The following EFCAB9 variants were observed in gnomAD, a reference collection of about 807,000 sequenced individuals.
The protein encoded by EFCAB9 is EF-hand calcium binding domain 9, also known as EF-hand calcium-binding domain-containing protein 9.
Under a neutral mutation model 15.6 loss-of-function variants are expected in EFCAB9, and 16 were observed. The observed-to-expected ratio is 1.03, with a 90% CI of 0.69 to 1.56. The LOEUF is 1.56. Ranked by LOEUF, EFCAB9 falls within the 40% of genes most tolerant of loss-of-function variation. The pLI is 0.00. For missense variants in EFCAB9, 208 were observed against 235.4 expected (o/e 0.88, Z 0.76); for synonymous variants, 76 against 85.4 (o/e 0.89, Z 0.61).
Position 172,203,376 on chromosome 5 carries a change from G to A in EFCAB9, c.*31G>A. 2.0e-6 allele frequency: 3 copies of A among 1,519,302 alleles called. No homozygotes were observed. The highest frequency in any genetic ancestry group is 2.6e-6 in the Non-Finnish European group (3 of 1,141,624). 94.1% of individuals were successfully genotyped at this position (1,519,302 alleles called of 1,614,324 possible). On this transcript the variant is annotated 3_prime_UTR_variant, in exon 4 of 4. Coordinates refer to ENST00000398186, the MANE Select transcript of EFCAB9 (RefSeq NM_001171183.2). ...AGCTGAAAGAGTCTTGGAAAAAAAT[G>A]GGATCTGAAAGTACAGAACATGAAC...
intron 1 of EFCAB9, 42 bp from the exon 2 acceptor site, chr5:172,199,341 T>G: frequency 6.5e-7 from 1 of 1,532,032 alleles, no homozygotes; most frequent in Non-Finnish European, 8.7e-7. Flanking sequence ...ATTTTGGAAC[T>G]ATATCCAAAT....
chr5:172,194,863 C>T (rs1458212138), intron 1 of EFCAB9, among the ~76,000 whole-genome samples: 1 of 151,982 alleles, frequency 6.6e-6, no homozygotes, highest in Non-Finnish European at 1.5e-5. Flanking sequence ...TCATCGCCCT[C>T]TCTAAGTCTC....
Position 172,199,395 on chromosome 5 carries a change from A to C in EFCAB9, c.149A>C (p.Tyr50Ser), listed in dbSNP as rs1402982786. 1.3e-6 allele frequency: 2 copies of C among 1,537,248 alleles called. No individual in the cohort carries two copies. Among genetic ancestry groups the C allele is most frequent in the Admixed American group, 3.9e-5 (2 of 50,994 alleles). Residue 50 changes from tyrosine (Y) to serine (S), a missense_variant, in exon 2 of 4, where the codon TAT (tyrosine) becomes TCT (serine). Tyr to Ser is a moderately radical substitution (Grantham distance 144). Transcript: ENST00000398186. ...GKNTLNDVLFYHFLHHVTDLK... is the reference protein window; with the variant it reads ...GKNTLNDVLFSHFLHHVTDLK... ...CCCACCTTAACAGATGTGCTGTTCT[A>C]TCACTTCCTTCATCATGTGACTGAC...
intron 2 of EFCAB9, among the ~76,000 whole-genome samples, chr5:172,200,063 T>G (rs925000638): frequency 2.0e-5 from 3 of 150,046 alleles, no homozygotes; most frequent in African/African-American, 4.9e-5. Context: ...GGACTACAGG[T>G]GCACACCCCC....
In EFCAB9 at chr5:172,194,228, G is replaced by A; in HGVS notation, c.56G>A (p.Cys19Tyr). ...LWYLYLDKIYCLLSVRNVKAL... is the reference protein window; with the variant it reads ...LWYLYLDKIYYLLSVRNVKAL... ...TACCTCTATCTGGACAAAATATACT[G>A]CTTATTATCCGTGAGAAACGTGAAG... Residue 19 changes from cysteine (C) to tyrosine (Y), a missense_variant, in exon 1 of 4, where the codon TGC becomes TAC. Coordinates refer to ENST00000398186, the MANE Select transcript of EFCAB9 (RefSeq NM_001171183.2). The A allele has an allele frequency of 1.3e-6, 2 of 1,537,654 alleles. No homozygotes were observed. Among genetic ancestry groups the A allele is most frequent in the Middle Eastern group, 1.7e-4 (1 of 5,994 alleles).
chr5:172,197,003 A>G (rs1771175333), intron 1 of EFCAB9, among the ~76,000 whole-genome samples: 1 of 152,192 alleles, frequency 6.6e-6, no homozygotes, highest in Non-Finnish European at 1.5e-5. Flanking sequence ...TTAAATATGC[A>G]TTAACTAATG....
Position 172,203,277 on chromosome 5 carries a change from C to A in EFCAB9, c.526C>A (p.Gln176Lys). The part of the protein sequence containing the change: ...IIYTDKLQKR[Q>K]KTEEKEKGER... ...CTACACTGACAAATTACAGAAGAGG[C>A]AGAAAACAGAGGAGAAAGAAAAAGG... Residue 176 changes from glutamine (Q) to lysine (K), a missense_variant, in exon 4 of 4, where the codon CAG (glutamine) becomes AAG (lysine). Physicochemically the swap from Gln to Lys is moderately conservative, Grantham distance 53. Transcript: ENST00000398186. 1 of 1,535,946 alleles carries A rather than the reference C, an allele frequency of 6.5e-7. No individual in the cohort carries two copies. The highest frequency in any genetic ancestry group is 1.4e-5 in the African/African-American group (1 of 72,760).
At chr5:172,194,793 GCA>G (rs1771130493) in intron 1 of EFCAB9, among the ~76,000 whole-genome samples, 1 of 152,144 alleles carries the variant, frequency 6.6e-6, no homozygotes, top group Admixed American at 6.6e-5. Flanking sequence ...GGAGAAAATT[GCA>G]GACTCTGGTG....
At chr5:172,197,481 T>C (rs529498156) in intron 1 of EFCAB9, among the ~76,000 whole-genome samples, 1 of 152,302 alleles carries the variant, frequency 6.6e-6, no homozygotes, top group Admixed American at 6.5e-5. Context: ...CTTGGAGAAA[T>C]GGGCAGTCTC....
At chr5:172,202,156 C>T (rs571264128) in intron 3 of EFCAB9, among the ~76,000 whole-genome samples, 14 of 151,498 alleles carry the variant, frequency 9.2e-5, no homozygotes, top group African/African-American at 1.9e-4. Flanking sequence ...TTGGCTAACA[C>T]GGTGAAACCC....
At position 172,203,203 on chromosome 5, in the gene EFCAB9, C is replaced by G. The variant is rs772989663; in HGVS notation, c.463-11C>G. 4.4e-6 allele frequency: 2 copies of G among 454,808 alleles called. No homozygotes were observed. Among genetic ancestry groups the G allele is most frequent in the African/African-American group, 8.0e-5 (1 of 12,486 alleles). The allele number at this position is 454,808 out of a possible 1,614,324, so 28.2% of individuals were successfully genotyped here. On this transcript the variant is annotated splice_polypyrimidine_tract_variant and intron_variant, in intron 3 of 3. Coordinates refer to ENST00000398186, the MANE Select transcript of EFCAB9 (RefSeq NM_001171183.2). ...GAAATAATTTTTCTTTCCCCCCCACCCTAACCAAAGCGTCTTAATTATCAG... is the reference window on the plus strand; with the variant it reads ...GAAATAATTTTTCTTTCCCCCCCACGCTAACCAAAGCGTCTTAATTATCAG...
chr5:172,203,123 T>A (rs924762857), intron 3 of EFCAB9, 91 bp from the exon 4 acceptor site: 13 of 1,267,426 alleles, frequency 1.0e-5, no homozygotes, highest in African/African-American at 9.2e-5. Context: ...TCCAAGTTTT[T>A]AAAATAGAAA....
intron 1 of EFCAB9, among the ~76,000 whole-genome samples, chr5:172,198,759 G>A (rs866014759): frequency 3.9e-5 from 6 of 152,216 alleles, no homozygotes; most frequent in Middle Eastern, 6.8e-3. Context: ...GGGACTACAG[G>A]TGTGTGCCAC....
At chr5:172,199,230 A>G (rs1480659770) in intron 1 of EFCAB9, among the ~76,000 whole-genome samples, 153 bp from the exon 2 acceptor site, 2 of 152,198 alleles carry the variant, frequency 1.3e-5, no homozygotes, top group African/African-American at 4.8e-5. Flanking sequence ...GAACTATAGA[A>G]AGTACAGTGG....
intron 2 of EFCAB9, among the ~76,000 whole-genome samples, chr5:172,200,360 A>C (rs1048196013): frequency 1.3e-5 from 2 of 152,256 alleles, no homozygotes; most frequent in Admixed American, 1.3e-4. Context: ...TACAAGAGGC[A>C]GAATTCAAGT....
At chr5:172,202,332 C>CAAAA (rs10690291) in intron 3 of EFCAB9, among the ~76,000 whole-genome samples, 8,495 of 72,188 alleles carry the variant, frequency 0.12, 881 homozygotes, top group Non-Finnish European at 0.13. Context: ...GACTTCATCT[C>CAAAA]AAAAAAAAAA....
intron 1 of EFCAB9, among the ~76,000 whole-genome samples, chr5:172,195,383 T>G (rs1771143735): frequency 1.3e-5 from 2 of 152,156 alleles, no homozygotes; most frequent in African/African-American, 2.4e-5. Context: ...CGTCATGATT[T>G]TAAGGAGTTC....
Position 172,203,069 on chromosome 5 carries a change from A to G in EFCAB9, c.463-145A>G, listed in dbSNP as rs544162387. 119 of 776,650 alleles carry G rather than the reference A, an allele frequency of 1.5e-4. No homozygotes were observed. In the African/African-American group the frequency reaches 2.0e-3, roughly 13 times the overall value. The allele number at this position is 776,650 out of a possible 1,614,324, so 48.1% of individuals were successfully genotyped here. ...TCTCTATTCCTGGGTACTCGACTACAATCGGACTATAATTATGTCCCAATT... is the reference window on the plus strand; with the variant it reads ...TCTCTATTCCTGGGTACTCGACTACGATCGGACTATAATTATGTCCCAATT... On this transcript the variant is annotated intron_variant, in intron 3 of 3. Transcript: ENST00000398186.
At chr5:172,197,307 A>G (rs975787429) in intron 1 of EFCAB9, among the ~76,000 whole-genome samples, 1 of 151,884 alleles carries the variant, frequency 6.6e-6, no homozygotes, top group Non-Finnish European at 1.5e-5. Flanking sequence ...GGTTTTCTCC[A>G]TGTTGGTCAG....
Sources: allele counts gnomAD v4.1 joint callset (sites outside exome capture counted in the v4.1 genomes callset), GRCh38; gene constraint gnomAD v4.1.1; transcripts MANE v1.5; gene names NCBI Gene and HGNC (gene_info 2026-07-23, HGNC 2026-07-21).